DYNC2H1: variants seen among roughly 807,000 people sequenced by gnomAD.
The protein encoded by DYNC2H1 is dynein cytoplasmic 2 heavy chain 1, also known as cytoplasmic dynein 2 heavy chain 1.
In DYNC2H1, 410 loss-of-function variants were observed where a neutral mutation model predicts 570.0. That is an observed-to-expected ratio of 0.72 (90% CI 0.66 to 0.78). DYNC2H1 has a LOEUF of 0.78. DYNC2H1 is among the 30% of genes least tolerant of loss of function. The pLI is 0.00. For missense variants in DYNC2H1, 4,865 were observed against 5,046.4 expected, an observed-to-expected ratio of 0.96 and a Z score of 1.09; for synonymous variants, 1,688 against 1,677.6, an observed-to-expected ratio of 1.01 and a Z score of -0.15.
At position 103,205,281 on chromosome 11, in the gene DYNC2H1, A is replaced by G. The variant is rs56735962; in HGVS notation, c.8454+317A>G. ...ATCATAGCAAGTATTTAACAATTAA[A>G]GAATTTTTAAATCCTTAAAAAATAT... is the stretch of plus-strand genomic sequence containing the variant. On this transcript the variant is annotated intron_variant, in intron 52 of 88. Coordinates refer to ENST00000375735, the MANE Select transcript of DYNC2H1 (RefSeq NM_001377.3). The surrounding 1 kb of genome is among the most constrained non-coding windows in gnomAD (Gnocchi z 4.5). Among the ~76,000 whole-genome samples the G allele has an allele frequency of 8.0e-3, 1,212 of 152,314 alleles. 12 individuals are homozygous for G. Among genetic ancestry groups the G allele is most frequent in the African/African-American group, 0.027 (1,125 of 41,572 alleles).
chr11:103,110,001 A>G (rs1437547028), intron 1 of DYNC2H1, among the ~76,000 whole-genome samples: 1 of 152,148 alleles, frequency 6.6e-6, no homozygotes, highest in Admixed American at 6.5e-5. Flanking sequence ...CCTTCCATAC[A>G]TCTGAATAGA....
intron 47 of DYNC2H1, among the ~76,000 whole-genome samples, chr11:103,197,286 G>T (rs1862539660): frequency 6.6e-6 from 1 of 152,000 alleles, no homozygotes; most frequent in Non-Finnish European, 1.5e-5. Context: ...AGGAAAATGG[G>T]ACAAACTGAG....
At chr11:103,312,541 C>CAAAAAAAA (rs1294317909) in intron 79 of DYNC2H1, among the ~76,000 whole-genome samples, 3 of 70,996 alleles carry the variant, frequency 4.2e-5, no homozygotes, top group African/African-American at 1.4e-4. Flanking sequence ...GACTCTGCCT[C>CAAAAAAAA]AAAAAAAAAA....
In DYNC2H1 at chr11:103,154,463, T is replaced by C. The variant is rs746338119; in HGVS notation, c.3315T>C (p.His1105=). The C allele has an allele frequency of 1.9e-5, 29 of 1,536,462 alleles. No homozygotes were observed. The highest frequency in any genetic ancestry group is 2.5e-5 in the Non-Finnish European group (29 of 1,145,502). The part of the protein sequence containing the change: ...VTRKKLVDDC[H]HFRLEEPNFS... ...TTTGTTTCTATAGTGATGATTGCCA[T>C]CATTTTAGACTGGAAGAGCCTAATT... The change falls in exon 23 of 89, where the codon CAT becomes CAC. Residue 1105 remains histidine (H), a synonymous_variant. Coordinates refer to ENST00000375735, the MANE Select transcript of DYNC2H1 (RefSeq NM_001377.3).
intron 83 of DYNC2H1, among the ~76,000 whole-genome samples, chr11:103,365,163 AC>A (rs1940845092): frequency 6.6e-6 from 1 of 152,172 alleles, no homozygotes; most frequent in South Asian, 2.1e-4. Flanking sequence ...GGAGTTCGAA[AC>A]CAGCCTGACA....
intron 82 of DYNC2H1, among the ~76,000 whole-genome samples, chr11:103,331,432 TA>T: frequency 6.6e-6 from 1 of 152,282 alleles, no homozygotes; most frequent in Non-Finnish European, 1.5e-5. Flanking sequence ...AAGGAATCTG[TA>T]GACCCCTGCT....
In DYNC2H1 at chr11:103,241,629, CT is replaced by C. The variant is rs58174873; in HGVS notation, c.9820-2063del. 133,539 of 1,200,462 alleles carry C rather than the reference CT, an allele frequency of 0.11. 8,387 individuals carry two copies. Among genetic ancestry groups the C allele is most frequent in the East Asian group, 0.22 (8,421 of 39,156 alleles). The allele number at this position is 1,200,462 out of a possible 1,614,324, so 74.4% of individuals were successfully genotyped here. On this transcript the variant is annotated intron_variant, in intron 63 of 88. Coordinates refer to ENST00000375735, the MANE Select transcript of DYNC2H1 (RefSeq NM_001377.3). The surrounding 1 kb of genome is among the most constrained non-coding windows in gnomAD (Gnocchi z 5.1). ...ATTGTGAAATGTGTGCTATTGAATG[CT>C]AGCATAAAATTAGATCAAAAACCTA... is the stretch of plus-strand genomic sequence containing the variant.
chr11:103,358,391 G>A, intron 83 of DYNC2H1, 32 bp downstream of exon 83: 13 of 1,433,054 alleles, frequency 9.1e-6, no homozygotes, highest in Non-Finnish European at 1.3e-5. Context: ...TGATTCTTTT[G>A]CTTTTTCTCC....
rs149130660 is a variant in DYNC2H1, at chr11:103,250,303, G to A, written c.10043-2982G>A. Reference sequence around the variant, plus strand: ...CTTTTTCATTGATTAGTCTTGATAGGGATTTATCAATATTACTAATCTTTT... The same window carrying A: ...CTTTTTCATTGATTAGTCTTGATAGAGATTTATCAATATTACTAATCTTTT... On this transcript the variant is annotated intron_variant, in intron 65 of 88. Coordinates refer to ENST00000375735, the MANE Select transcript of DYNC2H1 (RefSeq NM_001377.3). 8.2e-3 allele frequency among the ~76,000 whole-genome samples: 1,237 copies of A among 151,198 alleles called. 7 individuals carry two copies. The highest frequency in any genetic ancestry group is 0.02 in the South Asian group (97 of 4,764).
intron 78 of DYNC2H1, among the ~76,000 whole-genome samples, chr11:103,309,121 G>A (rs931994328): frequency 5.5e-5 from 8 of 146,664 alleles, no homozygotes; most frequent in African/African-American, 1.0e-4. Context: ...AAATGAAATA[G>A]CAAACTATTA....
At chr11:103,184,393 C>G (rs1263578531) in intron 40 of DYNC2H1, among the ~76,000 whole-genome samples, 2 of 151,356 alleles carry the variant, frequency 1.3e-5, no homozygotes, top group Admixed American at 1.3e-4. Flanking sequence ...ACCAGGGACC[C>G]CAGGGAGGCT....
At chr11:103,118,494 G>T (rs1010519086) in intron 6 of DYNC2H1, among the ~76,000 whole-genome samples, 8 of 151,250 alleles carry the variant, frequency 5.3e-5, no homozygotes, top group African/African-American at 1.9e-4. Flanking sequence ...TCTCATCTTT[G>T]TCTTCCCTGC....
At chr11:103,202,598 G>GTGTTCAAGTA (rs935395873) in intron 50 of DYNC2H1, among the ~76,000 whole-genome samples, 2 of 151,816 alleles carry the variant, frequency 1.3e-5, no homozygotes, top group African/African-American at 4.8e-5. Context: ...ATGTGTGCAT[G>GTGTTCAAGTA]TGTTCAAGTA....
intron 75 of DYNC2H1, among the ~76,000 whole-genome samples, chr11:103,296,788 A>T (rs1866848829): frequency 6.6e-6 from 1 of 151,956 alleles, no homozygotes; most frequent in African/African-American, 2.4e-5. Flanking sequence ...TGTCTTAAAA[A>T]TACCTCCCTT....
intron 59 of DYNC2H1, among the ~76,000 whole-genome samples, chr11:103,224,025 C>CA (rs1201196813): frequency 6.6e-6 from 1 of 152,044 alleles, no homozygotes; most frequent in Non-Finnish European, 1.5e-5. Context: ...GGATTACAGG[C>CA]ATAAGCCACC....
chr11:103,224,480 G>A (rs554814102), intron 59 of DYNC2H1, among the ~76,000 whole-genome samples: 3 of 152,106 alleles, frequency 2.0e-5, no homozygotes, highest in African/African-American at 4.8e-5. Context: ...TAGCTCCTAC[G>A]TGAGTGAGAA....
rs1281625004 is a variant in DYNC2H1, at chr11:103,209,375, C to G, written c.8455-501C>G. 6.6e-6 allele frequency among the ~76,000 whole-genome samples: 1 copy of G among 151,696 alleles called. No individual in the cohort carries two copies. The highest frequency in any genetic ancestry group is 1.5e-5 in the Non-Finnish European group (1 of 67,876). ...TTATGAAACTGTATTTGCTTATTTA[C>G]AGTAGTGGCAAAATTCCAGTCACAG... On this transcript the variant is annotated intron_variant, in intron 52 of 88. Coordinates refer to ENST00000375735, the MANE Select transcript of DYNC2H1 (RefSeq NM_001377.3). The surrounding 1 kb of genome is among the most constrained non-coding windows in gnomAD (Gnocchi z 4.2).
In DYNC2H1 at chr11:103,412,584, T is replaced by C. The variant is rs1176422871; in HGVS notation, c.12366+12712T>C. The stretch of plus-strand genomic sequence containing the variant: ...CTTTTAAAGCCAACATATCTATTGG[T>C]TATACATTTCTGTGTATTCTAACAT... On this transcript the variant is annotated intron_variant, in intron 84 of 88. Coordinates refer to ENST00000375735, the MANE Select transcript of DYNC2H1 (RefSeq NM_001377.3). Among the ~76,000 whole-genome samples the C allele has an allele frequency of 3.9e-5, 6 of 152,270 alleles. No individual in the cohort carries two copies. The East Asian group carries it at 9.7e-4, about 24-fold the overall frequency.
intron 84 of DYNC2H1, chr11:103,404,712 G>GT (rs1236658940): frequency 6.6e-6 from 1 of 151,688 alleles, no homozygotes; most frequent in African/African-American, 2.4e-5. Flanking sequence ...TTGATAGGAT[G>GT]TAGTGGAAAT....
Sources: gnomAD v4.1 joint callset for allele counts (sites outside exome capture counted in the v4.1 genomes callset) on GRCh38, gnomAD v4.1.1 for gene constraint, Gnocchi (gnomAD v3.1) non-coding constraint, MANE v1.5 for transcripts, NCBI Gene and HGNC (gene_info 2026-07-23, HGNC 2026-07-21) for gene names.